The following TLL1 variants were observed in gnomAD, a reference collection of about 807,000 sequenced individuals.
TLL1 encodes tolloid like 1.
Under a neutral mutation model 128.2 loss-of-function variants are expected in TLL1, and 49 were observed. The observed-to-expected ratio is 0.38, with a 90% CI of 0.30 to 0.48. The LOEUF (loss-of-function observed/expected upper bound fraction) is 0.48, where lower values mean the gene tolerates loss of function less well. Among genes scored for constraint, TLL1 ranks in the 20% least tolerant of loss-of-function variants. The pLI is 0.96. For synonymous variants in TLL1, 454 were observed against 418.8 expected (o/e 1.08, Z -1.03); for missense variants, 1,123 against 1,242.0 (o/e 0.90, Z 1.44).
chr4:166,031,513 A>G (rs1738768944), intron 9 of TLL1, among the ~76,000 whole-genome samples: 1 of 151,796 alleles, frequency 6.6e-6, no homozygotes, highest in Admixed American at 6.6e-5. Context: ...AATTACAGGC[A>G]TGCACCACCT....
At chr4:165,991,317 A>G (rs969817104) in intron 2 of TLL1, among the ~76,000 whole-genome samples, 1 of 152,016 alleles carries the variant, frequency 6.6e-6, no homozygotes, top group African/African-American at 2.4e-5. Flanking sequence ...TGGAAGGTAC[A>G]TGTTTGAAAG....
Position 165,963,899 on chromosome 4 carries a change from G to A in TLL1, c.170-25482G>A, listed in dbSNP as rs150101614. The stretch of plus-strand genomic sequence containing the variant: ...CATGGAGATATCAGTTCAGCTGCAC[G>A]TTATTAAAAATTTCAGCAATTACTG... On this transcript the variant is annotated intron_variant, in intron 1 of 20. Coordinates refer to ENST00000061240, the MANE Select transcript of TLL1 (RefSeq NM_012464.5). Among the ~76,000 whole-genome samples the A allele has an allele frequency of 1.9e-3, 294 of 152,174 alleles. 1 individual carries two copies. Among genetic ancestry groups the A allele is most frequent in the African/African-American group, 6.4e-3 (264 of 41,506 alleles).
chr4:165,919,336 T>C lies in TLL1; in HGVS notation c.169+45263T>C, dbSNP rs552359211. 1.1e-4 allele frequency among the ~76,000 whole-genome samples: 16 copies of C among 142,480 alleles called. 1 individual carries two copies. The South Asian group carries it at 2.8e-3, about 25-fold the overall frequency. 93.5% of individuals were successfully genotyped at this position (142,480 alleles called of 152,430 possible). ...AGGTCAAAGCTGCAGTAAGTGGTGA[T>C]CACACCACTGCACTCCAGCCTGGGT... On this transcript the variant is annotated intron_variant, in intron 1 of 20. Coordinates refer to ENST00000061240, the MANE Select transcript of TLL1 (RefSeq NM_012464.5).
At chr4:166,069,911 A>G (rs76657282) in intron 16 of TLL1, among the ~76,000 whole-genome samples, 8,249 of 151,808 alleles carry the variant, frequency 0.054, 396 homozygotes, top group African/African-American at 0.13. Flanking sequence ...ATTCCAGGGT[A>G]TATTTAAAGA....
chr4:165,995,271 T>G, intron 5 of TLL1, 93 bp downstream of exon 5: 1 of 998,646 alleles, frequency 1.0e-6, no homozygotes. Flanking sequence ...TTCTTAAGAT[T>G]TGCTTTGTAT....
chr4:166,065,575 T>G, intron 15 of TLL1, 108 bp from the exon 16 acceptor site: 1 of 1,232,774 alleles, frequency 8.1e-7, no homozygotes, highest in Non-Finnish European at 1.2e-6. Context: ...AGTTCTAGTT[T>G]GACTACCGTA....
At position 166,030,347 on chromosome 4, in the gene TLL1, A is replaced by G. The variant is rs564991543; in HGVS notation, c.1158+4916A>G. 4.0e-4 allele frequency: 161 copies of G among 406,954 alleles called. 1 individual carries two copies. Among genetic ancestry groups the G allele is most frequent in the Middle Eastern group, 2.8e-3 (8 of 2,876 alleles). The allele number at this position is 406,954 out of a possible 1,614,324, so 25.2% of individuals were successfully genotyped here. Reference sequence around the variant, plus strand: ...ATTCAAGTCTTTTGCCTATGTTTAAATCAGATTATTTGATTTTGTCTTTCA... The same window carrying G: ...ATTCAAGTCTTTTGCCTATGTTTAAGTCAGATTATTTGATTTTGTCTTTCA... On this transcript the variant is annotated intron_variant, in intron 9 of 20. Transcript: ENST00000061240.
chr4:166,060,380 G>A (rs969225078), intron 15 of TLL1, among the ~76,000 whole-genome samples, 192 bp downstream of exon 15: 5 of 152,050 alleles, frequency 3.3e-5, no homozygotes, highest in African/African-American at 9.7e-5. Context: ...CTTTCTGGAA[G>A]ATTGAAAATT....
chr4:165,982,853 G>A (rs533229733), intron 1 of TLL1, among the ~76,000 whole-genome samples: 3 of 151,510 alleles, frequency 2.0e-5, no homozygotes, highest in Non-Finnish European at 3.0e-5. Flanking sequence ...TCAAAAAGAC[G>A]TATCAGGGTT....
intron 1 of TLL1, among the ~76,000 whole-genome samples, chr4:165,894,412 A>G (rs534785756): frequency 6.6e-6 from 1 of 152,314 alleles, no homozygotes; most frequent in East Asian, 1.9e-4. Flanking sequence ...ACTGGTACTT[A>G]ACGGAGTAAC....
At chr4:165,931,398 G>A (rs188619521) in intron 1 of TLL1, among the ~76,000 whole-genome samples, 152 of 152,138 alleles carry the variant, frequency 1.0e-3, no homozygotes, top group African/African-American at 3.6e-3. Flanking sequence ...ATCCTTTAAA[G>A]TTAAAAACAT....
intron 10 of TLL1, among the ~76,000 whole-genome samples, chr4:166,041,632 T>C (rs185196949): frequency 6.6e-6 from 1 of 152,286 alleles, no homozygotes; most frequent in Admixed American, 6.5e-5. Context: ...ATTTCCCTGC[T>C]ATTGGCCAGG....
intron 1 of TLL1, among the ~76,000 whole-genome samples, chr4:165,918,723 C>T (rs1166683332): frequency 1.3e-5 from 2 of 151,990 alleles, no homozygotes; most frequent in Non-Finnish European, 1.5e-5. Context: ...TTTTCATTTC[C>T]TCTAGTTTGT....
At chr4:166,030,724 T>C (rs1316201278) in intron 9 of TLL1, 1 of 1,179,324 alleles carries the variant, frequency 8.5e-7, no homozygotes, top group Non-Finnish European at 1.0e-6. Flanking sequence ...CAACACCATT[T>C]GTTAAAGATT....
At chr4:165,919,227 TA>T (rs1732920342) in intron 1 of TLL1, among the ~76,000 whole-genome samples, 1 of 151,078 alleles carries the variant, frequency 6.6e-6, no homozygotes, top group African/African-American at 2.4e-5. Flanking sequence ...ACAAAAATAA[TA>T]AAAAATTAGC....
intron 16 of TLL1, 45 bp from the exon 17 acceptor site, chr4:166,074,833 T>G: frequency 6.2e-7 from 1 of 1,609,544 alleles, no homozygotes; most frequent in Non-Finnish European, 8.5e-7. Flanking sequence ...ATATCCTCTG[T>G]TTTTAAAGTT....
chr4:166,044,542 C>A (rs939767115), intron 12 of TLL1: 2 of 970,032 alleles, frequency 2.1e-6, no homozygotes, highest in South Asian at 1.7e-5. Context: ...CTACTTTAAT[C>A]ATTATGTTGT....
chr4:166,099,602 T>G, intron 20 of TLL1, 75 bp downstream of exon 20: 1 of 1,566,384 alleles, frequency 6.4e-7, no homozygotes, highest in Non-Finnish European at 8.7e-7. Flanking sequence ...ATGTGTACCA[T>G]TCACAAGTTG....
intron 11 of TLL1, 142 bp downstream of exon 11, chr4:166,042,285 T>C (rs1302398603): frequency 1.6e-6 from 1 of 626,006 alleles, no homozygotes; most frequent in African/African-American, 1.9e-5. Context: ...TTCATACAGA[T>C]AATTTTAACA....
Sources: allele counts gnomAD v4.1 joint callset (sites outside exome capture counted in the v4.1 genomes callset), GRCh38; gene constraint gnomAD v4.1.1; transcripts MANE v1.5; gene names NCBI Gene and HGNC (gene_info 2026-07-23, HGNC 2026-07-21).